The following GPR55 variants were observed in gnomAD, a reference collection of about 807,000 sequenced individuals.
GPR55 encodes G-protein coupled receptor 55.
Under a neutral mutation model 7.9 loss-of-function variants are expected in GPR55, and 6 were observed. The observed-to-expected ratio is 0.76, with a 90% CI of 0.41 to 1.49. GPR55 has a LOEUF of 1.49. Ranked by LOEUF, GPR55 falls within the 40% of genes most tolerant of loss-of-function variation. GPR55 has a pLI of 0.01. For synonymous variants in GPR55, 183 were observed against 166.8 expected (o/e 1.10, Z -0.75); for missense variants, 376 against 406.0 (o/e 0.93, Z 0.63).
intron 1 of GPR55, among the ~76,000 whole-genome samples, chr2:230,943,710 C>G (rs1183771371): frequency 6.6e-6 from 1 of 151,766 alleles, no homozygotes; most frequent in Non-Finnish European, 1.5e-5. Context: ...CTTGCGCCCT[C>G]CCCTTGGTGC....
At chr2:230,932,420 G>A (rs1691062486) in intron 1 of GPR55, among the ~76,000 whole-genome samples, 1 of 152,296 alleles carries the variant, frequency 6.6e-6, no homozygotes, top group East Asian at 1.9e-4. Context: ...AGAGATTTCT[G>A]TAAAGGTACA....
rs186627041 is a variant in GPR55 at position 230,960,561 on chromosome 2, A to G, written c.-135+214T>C. Among the ~76,000 whole-genome samples the G allele has an allele frequency of 3.3e-5, 5 of 152,262 alleles. No individual in the cohort carries two copies. The East Asian group carries it at 9.7e-4, about 29-fold the overall frequency. On this transcript the variant is annotated intron_variant, in intron 1 of 1. Transcript: ENST00000392039. ...GGAGGTAGAATCCCAGTATAAAACC[A>G]CGAATACTTCTGAATGACAACAAAA...
intron 1 of GPR55, chr2:230,957,670 T>C: frequency 3.7e-6 from 2 of 544,834 alleles, no homozygotes; most frequent in Non-Finnish European, 7.5e-6. Flanking sequence ...GTGTTGAAAA[T>C]ATTCCCTGTG....
intron 1 of GPR55, among the ~76,000 whole-genome samples, chr2:230,931,363 G>A (rs1691035141): frequency 6.6e-6 from 1 of 152,198 alleles, no homozygotes; most frequent in South Asian, 2.1e-4. Flanking sequence ...CAACAGCCTT[G>A]TTGACAGAGG....
chr2:230,920,865 C>A (rs1574622930), intron 1 of GPR55, among the ~76,000 whole-genome samples: 1 of 151,846 alleles, frequency 6.6e-6, no homozygotes, highest in Non-Finnish European at 1.5e-5. Context: ...AATTTATAAA[C>A]AATTGTTAAT....
rs113689149 is a variant in GPR55 at position 230,940,244 on chromosome 2, C to T, written c.-135+20531G>A. ...ACCGCTCATGGGGTCTCAGTGGGGG[C>T]GGCGCTTACACAGCCACCTCCCTCC... On this transcript the variant is annotated intron_variant, in intron 1 of 1. Transcript: ENST00000392039. 5.6e-3 allele frequency among the ~76,000 whole-genome samples: 856 copies of T among 152,204 alleles called. 7 individuals carry two copies. Among genetic ancestry groups the T allele is most frequent in the African/African-American group, 0.019 (808 of 41,518 alleles).
intron 1 of GPR55, among the ~76,000 whole-genome samples, chr2:230,952,936 G>A (rs1285154871): frequency 6.6e-6 from 1 of 152,210 alleles, no homozygotes; most frequent in African/African-American, 2.4e-5. Context: ...AGTTGCCAAG[G>A]TGTTTCCCCA....
At chr2:230,947,777 C>T (rs1691342864) in intron 1 of GPR55, among the ~76,000 whole-genome samples, 1 of 152,130 alleles carries the variant, frequency 6.6e-6, no homozygotes, top group Non-Finnish European at 1.5e-5. Context: ...GCTGGGATTA[C>T]AAGTGTCGAC....
chr2:230,922,165 AC>A, intron 1 of GPR55, among the ~76,000 whole-genome samples: 1 of 152,150 alleles, frequency 6.6e-6, no homozygotes, highest in East Asian at 1.9e-4. Context: ...TTGATTTTTA[AC>A]CCTGAAGTAG....
At chr2:230,916,535 A>G (rs929902353) in intron 1 of GPR55, among the ~76,000 whole-genome samples, 1 of 152,134 alleles carries the variant, frequency 6.6e-6, no homozygotes, top group African/African-American at 2.4e-5. Context: ...AAGAAAAAAA[A>G]AAAAGAGATA....
intron 1 of GPR55, among the ~76,000 whole-genome samples, chr2:230,938,133 C>T (rs1205177282): frequency 1.2e-5 from 1 of 82,286 alleles, no homozygotes; most frequent in East Asian, 4.1e-4. Flanking sequence ...GGAGACAGAA[C>T]AAGACCCTGT....
Position 230,909,926 on chromosome 2 carries a change from T to A in GPR55, c.*77A>T. On this transcript the variant is annotated 3_prime_UTR_variant, in exon 2 of 2. Transcript: ENST00000650999. ...AGATGGTGCGGATCATCCCACCACA[T>A]CAAAACCCTGGAACGCGATATCCGT... is the stretch of plus-strand genomic sequence containing the variant. 7.0e-7 allele frequency: 1 copy of A among 1,420,254 alleles called. No homozygotes were observed. Among genetic ancestry groups the A allele is most frequent in the Non-Finnish European group, 9.7e-7 (1 of 1,033,206 alleles). The allele number at this position is 1,420,254 out of a possible 1,614,324, so 88.0% of individuals were successfully genotyped here.
At chr2:230,930,690 C>T (rs538202071) in intron 1 of GPR55, among the ~76,000 whole-genome samples, 1 of 152,212 alleles carries the variant, frequency 6.6e-6, no homozygotes, top group African/African-American at 2.4e-5. Flanking sequence ...GTCTCCAAGT[C>T]CTGAGCTCAA....
intron 1 of GPR55, among the ~76,000 whole-genome samples, chr2:230,916,261 C>A (rs1340324835): frequency 6.6e-6 from 1 of 152,008 alleles, no homozygotes; most frequent in Non-Finnish European, 1.5e-5. Context: ...GTGGCTCGTG[C>A]CTGTAGTCCC....
rs902940103 is a variant in GPR55, at chr2:230,924,996, G to C, written c.-135+172C>G. ...CTGCTGTCACGGAGGCTGCCTGGAG[G>C]CTGCCGCTGCCCTGACACCTGGGAC... is the stretch of plus-strand genomic sequence containing the variant. On this transcript the variant is annotated intron_variant, in intron 1 of 1. Coordinates refer to ENST00000650999, the MANE Select transcript of GPR55 (RefSeq NM_005683.4). The surrounding 1 kb of genome is among the most constrained non-coding windows in gnomAD (Gnocchi z 4.5). Among the ~76,000 whole-genome samples the C allele has an allele frequency of 6.6e-6, 1 of 152,152 alleles. No homozygotes were observed. Among genetic ancestry groups the C allele is most frequent in the African/African-American group, 2.4e-5 (1 of 41,428 alleles).
At chr2:230,928,690 A>G (rs1432158451), upstream of GPR55, 1 of 152,108 alleles carries the variant, frequency 6.6e-6, no homozygotes, top group African/African-American at 2.4e-5. Flanking sequence ...TATTTGAAGG[A>G]AAAGAAAAAA....
Position 230,910,661 on chromosome 2 carries a change from TAAAGGCACTCCACCAGGGTGCACA to T in GPR55, c.278_301del (p.Leu93_Tyr101delinsHis). 6.2e-7 allele frequency: 1 copy of T among 1,613,532 alleles called. No individual in the cohort carries two copies. Among genetic ancestry groups the T allele is most frequent in the Non-Finnish European group, 8.5e-7 (1 of 1,179,770 alleles). Reference sequence around the variant, plus strand: ...GACGCTTCCGTACATGCTGACGAAGTAAAGGCACTCCACCAGGGTGCACAGGGACGGGAAGGGGGACTGTACCTG... The same window carrying T: ...GACGCTTCCGTACATGCTGACGAAGTGGGACGGGAAGGGGGACTGTACCTG... On this transcript the variant is annotated inframe_deletion, in exon 2 of 2. Transcript: ENST00000650999. This position sits in a 1 kb window ranked among gnomAD's most constrained non-coding sequence, Gnocchi z 5.4.
intron 1 of GPR55, among the ~76,000 whole-genome samples, chr2:230,960,111 G>A (rs2125073578): frequency 6.6e-6 from 1 of 152,280 alleles, no homozygotes; most frequent in Admixed American, 6.5e-5. Flanking sequence ...CTGGAGGAAA[G>A]AATATAATTC....
chr2:230,924,746 C>T lies in GPR55; in HGVS notation c.-135+422G>A, dbSNP rs1011311070. 1 of 152,050 alleles carries T rather than the reference C, an allele frequency of 6.6e-6. No individual in the cohort carries two copies. The highest frequency in any genetic ancestry group is 2.4e-5 in the African/African-American group (1 of 41,400). The allele number at this position is 152,050 out of a possible 1,614,324, so 9.4% of individuals were successfully genotyped here. On this transcript the variant is annotated intron_variant, in intron 1 of 1. Transcript: ENST00000650999. The surrounding 1 kb of genome is among the most constrained non-coding windows in gnomAD (Gnocchi z 4.5). The stretch of plus-strand genomic sequence containing the variant: ...GATGATCCCTGAGAGTGTGTCATCT[C>T]GGGCGCTTGGTGGTTTCCCAACAAG...
Sources: allele counts gnomAD v4.1 joint callset (sites outside exome capture counted in the v4.1 genomes callset), GRCh38; gene constraint gnomAD v4.1.1; non-coding constraint Gnocchi (gnomAD v3.1); transcripts MANE v1.5; gene names NCBI Gene and HGNC (gene_info 2026-07-23, HGNC 2026-07-21).